Variants in ABCG2 observed in about 807,000 individuals in gnomAD.
ABCG2 encodes the protein broad substrate specificity ATP-binding cassette transporter ABCG2.
ABCG2 carries 80 observed loss-of-function variants against 73.5 expected under a neutral mutation model. That is an observed-to-expected ratio of 1.09 (90% CI 0.91 to 1.31). The LOEUF is 1.31. ABCG2 is among the 50% of genes most tolerant of loss of function. The pLI is 0.00. For synonymous variants in ABCG2, 269 were observed against 282.4 expected (o/e 0.95, Z 0.48); for missense variants, 796 against 786.2 (o/e 1.01, Z -0.15).
rs1254871100 is a variant in ABCG2 at position 88,211,358 on chromosome 4, GCCCCA to G, written c.-20+19631_-20+19635del. 4.8e-4 allele frequency among the ~76,000 whole-genome samples: 16 copies of G among 33,636 alleles called. 3 individuals carry two copies. Among genetic ancestry groups the G allele is most frequent in the Non-Finnish European group, 7.3e-4 (13 of 17,824 alleles). The allele number at this position is 33,636 out of a possible 152,430, so 22.1% of individuals were successfully genotyped here. ...CCTGATAGGTAATTGTTCAACCCCT[GCCCCA>G]CCCCCCCCCACTTTTGGAGACCCCA... On this transcript the variant is annotated intron_variant, in intron 1 of 15. Transcript: ENST00000515655.
Position 88,113,399 on chromosome 4 carries a change from C to G in ABCG2, c.1098G>C (p.Glu366Asp). ...EKKKKITVFKEISYTTSFCHQ... is the reference protein window; with the variant it reads ...EKKKKITVFKDISYTTSFCHQ... ...GACAGAAGGAGGTGGTGTAGCTGAT[C>G]TCCTTGAAGACTGTGATCTTCTTCT... The change falls in exon 9 of 16, where the codon GAG becomes GAC. Residue 366 changes from glutamate (E) to aspartate (D), a missense_variant. Coordinates refer to ENST00000237612, the MANE Select transcript of ABCG2 (RefSeq NM_004827.3). 1.2e-6 allele frequency: 2 copies of G among 1,614,130 alleles called. No homozygotes were observed. The highest frequency in any genetic ancestry group is 1.7e-6 in the Non-Finnish European group (2 of 1,180,020).
At chr4:88,115,411 G>A (rs1723503898) in intron 7 of ABCG2, among the ~76,000 whole-genome samples, 1 of 150,094 alleles carries the variant, frequency 6.7e-6, no homozygotes, top group South Asian at 2.1e-4. Context: ...AGCCTCCCAA[G>A]TAGCTGGGAT....
At position 88,132,573 on chromosome 4, in the gene ABCG2, C is replaced by G. The variant is rs762391128; in HGVS notation, c.263+3G>C. The G allele has an allele frequency of 5.0e-6, 8 of 1,614,132 alleles. No individual in the cohort carries two copies. The South Asian group carries it at 6.6e-5, about 13-fold the overall frequency. ...ACGCTTACTTATACTCTCTTATACT[C>G]ACGAAGATTTGCCTCCACCTGTGGG... On this transcript the variant is annotated splice_donor_region_variant and intron_variant, in intron 3 of 15. Transcript: ENST00000237612.
intron 1 of ABCG2, among the ~76,000 whole-genome samples, chr4:88,207,318 C>T (rs1438785521): frequency 6.6e-6 from 1 of 152,032 alleles, no homozygotes; most frequent in Admixed American, 6.6e-5. Context: ...TTTTAAATAA[C>T]ATTTTAACAT....
intron 10 of ABCG2, among the ~76,000 whole-genome samples, chr4:88,102,099 G>A (rs887161606): frequency 1.7e-4 from 26 of 152,174 alleles, no homozygotes; most frequent in African/African-American, 6.3e-4. Flanking sequence ...CTTATTATAT[G>A]CATAATCTAC....
At chr4:88,225,272 T>C (rs1419154435) in intron 1 of ABCG2, among the ~76,000 whole-genome samples, 2 of 152,172 alleles carry the variant, frequency 1.3e-5, no homozygotes, top group African/African-American at 4.8e-5. Context: ...TTGTCGACAA[T>C]GCATAAACAA....
intron 2 of ABCG2, among the ~76,000 whole-genome samples, chr4:88,135,915 C>T (rs542048940): frequency 2.6e-5 from 4 of 152,082 alleles, no homozygotes; most frequent in African/African-American, 4.8e-5. Flanking sequence ...AATGTACTTG[C>T]TGATTTTCTT....
chr4:88,099,951 GAA>G (rs1000995304), intron 11 of ABCG2, among the ~76,000 whole-genome samples: 6 of 151,976 alleles, frequency 3.9e-5, no homozygotes, highest in African/African-American at 1.5e-4. Flanking sequence ...GTTAAAAAAA[GAA>G]AAAGACTTCT....
chr4:88,211,358 G>GCCCCCCCCCCCCCCCCCCCCTC (rs1264405228), intron 1 of ABCG2, among the ~76,000 whole-genome samples: 1 of 33,648 alleles, frequency 3.0e-5, no homozygotes, highest in Non-Finnish European at 5.6e-5. Flanking sequence ...TTCAACCCCT[G>GCCCCCCCCCCCCCCCCCCCCTC]CCCCACCCCC....
intron 10 of ABCG2, among the ~76,000 whole-genome samples, chr4:88,104,450 C>A (rs187714295): frequency 6.6e-6 from 1 of 152,270 alleles, no homozygotes; most frequent in East Asian, 1.9e-4. Flanking sequence ...AAATCATATA[C>A]ACAGGCCACT....
At position 88,121,674 on chromosome 4, in the gene ABCG2, T is replaced by G; in HGVS notation, c.650A>C (p.Asp217Ala). 6.2e-7 allele frequency: 1 copy of G among 1,614,096 alleles called. No individual in the cohort carries two copies. ...AAGGACAGCATTTGCTGTGCTTGAG[T>G]CTAAGCCAGTTGTAGGCTCATCCAA... The part of the protein sequence containing the change: ...LFLDEPTTGL[D>A]SSTANAVLLL... Residue 217 changes from aspartate (D) to alanine (A), a missense_variant, in exon 6 of 16, where the codon GAC becomes GCC. By Grantham distance (126) the Asp-to-Ala change is moderately radical. Coordinates refer to ENST00000237612, the MANE Select transcript of ABCG2 (RefSeq NM_004827.3).
At chr4:88,124,132 C>G (rs1031009168) in intron 5 of ABCG2, among the ~76,000 whole-genome samples, 9 of 152,144 alleles carry the variant, frequency 5.9e-5, no homozygotes, top group African/African-American at 2.2e-4. Flanking sequence ...TTGTCACCAC[C>G]AGGCCTGCCT....
chr4:88,092,064 T>C lies in ABCG2; in HGVS notation c.*170A>G, dbSNP rs1273693503. On this transcript the variant is annotated 3_prime_UTR_variant, in exon 16 of 16. Transcript: ENST00000237612. ...ACATGATGTCTTGGGTTCTTTCATGTTTAATTCAGTTTGTTGTGATTTCTA... is the reference window on the plus strand; with the variant it reads ...ACATGATGTCTTGGGTTCTTTCATGCTTAATTCAGTTTGTTGTGATTTCTA... 1 of 626,106 alleles carries C rather than the reference T, an allele frequency of 1.6e-6. No homozygotes were observed. Among genetic ancestry groups the C allele is most frequent in the Non-Finnish European group, 2.7e-6 (1 of 372,552 alleles). 38.8% of individuals were successfully genotyped at this position (626,106 alleles called of 1,614,324 possible). A position where few individuals can be genotyped will look rare whatever the true frequency, so the allele number is the denominator to read the frequency against.
chr4:88,214,700 A>G (rs1729740679), intron 1 of ABCG2, among the ~76,000 whole-genome samples: 1 of 150,794 alleles, frequency 6.6e-6, no homozygotes. Flanking sequence ...TACAAAAAAA[A>G]GTTTTTTTGT....
At chr4:88,099,739 C>T (rs1722264529) in intron 11 of ABCG2, among the ~76,000 whole-genome samples, 1 of 152,228 alleles carries the variant, frequency 6.6e-6, no homozygotes, top group Admixed American at 6.5e-5. Flanking sequence ...AGATTCCACA[C>T]ATCCTCCCTC....
At chr4:88,124,550 C>A (rs1724253732) in intron 5 of ABCG2, among the ~76,000 whole-genome samples, 1 of 151,894 alleles carries the variant, frequency 6.6e-6, no homozygotes, top group Admixed American at 6.6e-5. Context: ...CAACAAAGAT[C>A]AAAAAAGAGA....
rs546878968 is a variant in ABCG2, at chr4:88,142,263, T to A, written c.-19-2249A>T. Among the ~76,000 whole-genome samples the A allele has an allele frequency of 3.3e-5, 5 of 152,066 alleles. No homozygotes were observed. The East Asian group carries it at 9.7e-4, about 29-fold the overall frequency. ...TATTTGAAGAAATACTGGCCAGTAT[T>A]TTCCAAAACTGACAAAGGTATCAAG... On this transcript the variant is annotated intron_variant, in intron 1 of 15. Coordinates refer to ENST00000237612, the MANE Select transcript of ABCG2 (RefSeq NM_004827.3).
intron 1 of ABCG2, among the ~76,000 whole-genome samples, chr4:88,173,630 T>C (rs1186389767): frequency 6.6e-6 from 1 of 152,194 alleles, no homozygotes; most frequent in East Asian, 1.9e-4. Flanking sequence ...ATTTTTACAT[T>C]TATTTTATTT....
At chr4:88,152,926 A>G (rs932607898) in intron 1 of ABCG2, among the ~76,000 whole-genome samples, 1 of 152,022 alleles carries the variant, frequency 6.6e-6, no homozygotes, top group Non-Finnish European at 1.5e-5. Flanking sequence ...AAGGGGTGAT[A>G]TTGTGGGGTT....
Sources: gnomAD v4.1 joint callset for allele counts (sites outside exome capture counted in the v4.1 genomes callset) on GRCh38, gnomAD v4.1.1 for gene constraint, MANE v1.5 for transcripts, NCBI Gene and HGNC (gene_info 2026-07-23, HGNC 2026-07-21) for gene names.